The following TOP3B variants were observed in gnomAD, a reference collection of about 807,000 sequenced individuals.
The protein encoded by TOP3B is DNA topoisomerase 3-beta-1.
In TOP3B, 45 loss-of-function variants were observed where a neutral mutation model predicts 93.9. That is an observed-to-expected ratio of 0.48 (90% CI 0.38 to 0.61). The LOEUF is 0.61. TOP3B is among the 20% of genes least tolerant of loss of function. The pLI is 0.00. For missense variants in TOP3B, 750 were observed against 1,156.1 expected, an observed-to-expected ratio of 0.65 and a Z score of 5.09; for synonymous variants, 357 against 472.6, an observed-to-expected ratio of 0.76 and a Z score of 3.17.
rs1255178987 is a variant in TOP3B at position 21,971,056 on chromosome 22, T to C, written c.385-650A>G. ...GCTTCCTTACTGGGAATAAGTGGCT[T>C]CATTTCTGAAGGGAGAAAGCCCCAT... On this transcript the variant is annotated intron_variant, in intron 5 of 17. Transcript: ENST00000357179. The surrounding 1 kb of genome is among the most constrained non-coding windows in gnomAD (Gnocchi z 4.6). 1 of 1,303,048 alleles carries C rather than the reference T, an allele frequency of 7.7e-7. No homozygotes were observed. The highest frequency in any genetic ancestry group is 1.2e-5 in the South Asian group (1 of 80,962). The allele number at this position is 1,303,048 out of a possible 1,614,324, so 80.7% of individuals were successfully genotyped here. A position where few individuals can be genotyped will look rare whatever the true frequency, so the allele number is the denominator to read the frequency against.
intron 9 of TOP3B, chr22:21,964,900 G>A (rs934080171): frequency 7.9e-5 from 14 of 178,018 alleles, no homozygotes; most frequent in East Asian, 1.5e-4. Context: ...AGTTCCCTGC[G>A]GGGGTGGGGG....
rs369221856 is a variant in TOP3B, at chr22:21,958,574, C to A, written c.2025G>T (p.Leu675=). 6.2e-7 allele frequency: 1 copy of A among 1,614,140 alleles called. No individual in the cohort carries two copies. Among genetic ancestry groups the A allele is most frequent in the Non-Finnish European group, 8.5e-7 (1 of 1,180,044 alleles). Residue 675 remains leucine (L), a synonymous_variant, in exon 17 of 18, where the codon CTG becomes CTT. Coordinates refer to ENST00000357179, the MANE Select transcript of TOP3B (RefSeq NM_001282112.2). ...RCPLDDFELV[L]WSSGSRGKSY... is the part of the protein sequence containing the mutation. ...TCTTGCCCCGAGAGCCTGATGACCA[C>A]AGGACCAGCTCGAAGTCATCCAGAG... is the stretch of plus-strand genomic sequence containing the variant.
chr22:21,971,992 C>A lies in TOP3B; in HGVS notation c.310-41G>T. 1 of 1,573,024 alleles carries A rather than the reference C, an allele frequency of 6.4e-7. No homozygotes were observed. The highest frequency in any genetic ancestry group is 1.1e-5 in the South Asian group (1 of 87,738). On this transcript the variant is annotated intron_variant, in intron 4 of 17. Coordinates refer to ENST00000357179, the MANE Select transcript of TOP3B (RefSeq NM_001282112.2). The surrounding 1 kb of genome is among the most constrained non-coding windows in gnomAD (Gnocchi z 4.6). ...GGTTCACACGTACCTGCTGCAGACC[C>A]GGTCTGTGCCACCCGCCCCCAGTGC...
chr22:21,958,112 C>T (rs2266971), intron 17 of TOP3B: 60,971 of 1,253,834 alleles, frequency 0.049, 1,387 homozygotes, highest in East Asian at 0.21. Context: ...CATGCGCTCC[C>T]TCCTCCAGTA....
intron 9 of TOP3B, chr22:21,965,081 G>A (rs993980002): frequency 4.8e-6 from 2 of 414,868 alleles, no homozygotes; most frequent in African/African-American, 2.1e-5. Flanking sequence ...AGGGATAGCT[G>A]CTCAGGGACT....
At position 21,962,731 on chromosome 22, in the gene TOP3B, G is replaced by A; in HGVS notation, c.1351+16C>T. ...CATGAAGGCACAGAGGAGGAAGGCT[G>A]GGCCCGTGGTGTGACCTGGTGAGAG... On this transcript the variant is annotated intron_variant, in intron 12 of 17. Transcript: ENST00000357179. 1 of 1,614,044 alleles carries A rather than the reference G, an allele frequency of 6.2e-7. No individual in the cohort carries two copies. The highest frequency in any genetic ancestry group is 8.5e-7 in the Non-Finnish European group (1 of 1,179,952).
At chr22:21,973,663 TTGTCATCAC>T (rs2071740623) in intron 3 of TOP3B, 1 of 152,146 alleles carries the variant, frequency 6.6e-6, no homozygotes, top group Admixed American at 6.6e-5. Flanking sequence ...GTCACCATCA[TTGTCATCAC>T]TGTCATCAAT....
chr22:21,962,037 T>C (rs1456216967), intron 13 of TOP3B: 5 of 991,446 alleles, frequency 5.0e-6, no homozygotes, highest in East Asian at 6.0e-5. Context: ...GCAGCTCCTG[T>C]GAGATCTCAT....
chr22:21,976,717 C>T (rs2071886354), intron 1 of TOP3B: 1 of 152,216 alleles, frequency 6.6e-6, no homozygotes, highest in Non-Finnish European at 1.5e-5. Flanking sequence ...TTGGTCTTTG[C>T]AACAGCTTTC....
intron 17 of TOP3B, chr22:21,957,805 A>G (rs1308532120): frequency 8.5e-6 from 13 of 1,531,448 alleles, no homozygotes; most frequent in Admixed American, 2.0e-5. Context: ...TCAACTTTCA[A>G]GGCCCCTCGC....
At chr22:21,964,446 A>G (rs2071335072) in intron 9 of TOP3B, 131 bp from the exon 10 acceptor site, 3 of 1,089,370 alleles carry the variant, frequency 2.8e-6, no homozygotes, top group Non-Finnish European at 2.6e-6. Context: ...CTGAGCAGGC[A>G]CAGCTGGAGT....
chr22:21,965,332 A>G lies in TOP3B; in HGVS notation c.896T>C (p.Leu299Pro). Residue 299 changes from leucine (L) to proline (P), a missense_variant, in exon 9 of 18, where the codon CTG becomes CCG. Leu to Pro is a moderately conservative substitution (Grantham distance 98). Transcript: ENST00000357179. ...SRKEKAKQRP[L>P]ALNTVEMLRV... is the part of the protein sequence containing the mutation. Reference sequence around the variant, plus strand: ...CAGCATCTCCACAGTGTTCAGGGCCAGGGGCCTCTGCTTGGCCTTTTCTTT... The same window carrying G: ...CAGCATCTCCACAGTGTTCAGGGCCGGGGGCCTCTGCTTGGCCTTTTCTTT... The G allele has an allele frequency of 6.2e-7, 1 of 1,609,658 alleles. No homozygotes were observed. Among genetic ancestry groups the G allele is most frequent in the South Asian group, 1.1e-5 (1 of 90,108 alleles).
chr22:21,960,642 T>G (rs1351009228), intron 13 of TOP3B, 193 bp from the exon 14 acceptor site: 2 of 727,458 alleles, frequency 2.7e-6, no homozygotes, highest in Non-Finnish European at 4.4e-6. Context: ...ATGTTCTGCC[T>G]TGAGAACACA....
chr22:21,982,009 C>T (rs1233545896), intron 1 of TOP3B, among the ~76,000 whole-genome samples: 1 of 152,056 alleles, frequency 6.6e-6, no homozygotes, highest in Non-Finnish European at 1.5e-5. Flanking sequence ...CGCCAGCAAC[C>T]CCATAAGGCA....
At chr22:21,967,780 G>A (rs192919219) in intron 7 of TOP3B, 64 bp from the exon 8 acceptor site, 2 of 1,266,506 alleles carry the variant, frequency 1.6e-6, no homozygotes, top group Non-Finnish European at 2.3e-6. Context: ...CCAACGCCAG[G>A]AAGAACCAGG....
chr22:21,966,644 T>A (rs1349745775), intron 8 of TOP3B: 1 of 152,432 alleles, frequency 6.6e-6, no homozygotes, highest in East Asian at 1.9e-4. Context: ...CTACCTCTGC[T>A]GAACACTTGT....
chr22:21,980,370 T>C (rs961275204), intron 1 of TOP3B, among the ~76,000 whole-genome samples: 2 of 152,194 alleles, frequency 1.3e-5, no homozygotes, highest in South Asian at 4.1e-4. Flanking sequence ...TAAAGGGCAT[T>C]GTTCAGAAAG....
chr22:21,974,246 C>T, intron 3 of TOP3B, 111 bp downstream of exon 3: 2 of 1,372,970 alleles, frequency 1.5e-6, no homozygotes, highest in South Asian at 1.4e-5. Flanking sequence ...CCTTATGACT[C>T]ATGGAGTTGG....
chr22:21,960,001 G>C lies in TOP3B; in HGVS notation c.1655-265C>G, dbSNP rs1263776938. ...AGAACCACATCACACATGAGCTCCA[G>C]GCCGCCCTTGGGCCAGTTTTGTGCT... is the stretch of plus-strand genomic sequence containing the variant. On this transcript the variant is annotated intron_variant, in intron 14 of 17. Coordinates refer to ENST00000357179, the MANE Select transcript of TOP3B (RefSeq NM_001282112.2). 39 of 618,754 alleles carry C rather than the reference G, an allele frequency of 6.3e-5. No individual in the cohort carries two copies. The East Asian group carries it at 1.0e-3, about 17-fold the overall frequency. The allele number at this position is 618,754 out of a possible 1,614,324, so 38.3% of individuals were successfully genotyped here. A position where few individuals can be genotyped will look rare whatever the true frequency, so the allele number is the denominator to read the frequency against.
Sources: allele counts gnomAD v4.1 joint callset (sites outside exome capture counted in the v4.1 genomes callset), GRCh38; gene constraint gnomAD v4.1.1; non-coding constraint Gnocchi (gnomAD v3.1); transcripts MANE v1.5; gene names NCBI Gene and HGNC (gene_info 2026-07-23, HGNC 2026-07-21).